Variants in PDZD2 observed in about 807,000 individuals in gnomAD.
PDZD2 encodes PDZ domain containing 2.
PDZD2 carries 90 observed loss-of-function variants against 220.7 expected under a neutral mutation model. The ratio of observed to expected loss-of-function variants is 0.41; its 90% CI spans 0.34 to 0.49. PDZD2 has a LOEUF of 0.49. Ranked by LOEUF, PDZD2 falls within the 20% of genes least tolerant of loss-of-function variation. The pLI is 0.28. For synonymous variants in PDZD2, 1,375 were observed against 1,450.5 expected, an observed-to-expected ratio of 0.95 and a Z score of 1.18; for missense variants, 3,174 against 3,608.5, an observed-to-expected ratio of 0.88 and a Z score of 3.08.
intron 5 of PDZD2, among the ~76,000 whole-genome samples, chr5:32,007,412 G>A (rs980661566): frequency 1.3e-5 from 2 of 150,194 alleles, no homozygotes; most frequent in Admixed American, 6.6e-5. Context: ...CACTCTTTTC[G>A]GTTAATCTAG....
At chr5:31,915,863 A>G (rs1475420316) in intron 2 of PDZD2, among the ~76,000 whole-genome samples, 1 of 152,220 alleles carries the variant, frequency 6.6e-6, no homozygotes. Flanking sequence ...GTGTACCTAC[A>G]GAGCGGAGCT....
intron 2 of PDZD2, among the ~76,000 whole-genome samples, chr5:31,897,936 C>T (rs1358865199): frequency 6.6e-6 from 1 of 152,048 alleles, no homozygotes; most frequent in Non-Finnish European, 1.5e-5. Context: ...GGCTGGGTTT[C>T]ACCGTGTTGG....
chr5:31,706,024 C>T (rs557792695), intron 1 of PDZD2, among the ~76,000 whole-genome samples: 92 of 147,242 alleles, frequency 6.2e-4, no homozygotes, highest in Non-Finnish European at 1.3e-3. Context: ...TGTACTTCAG[C>T]CTGGGCCACA....
chr5:32,026,090 A>G (rs555455015), intron 6 of PDZD2, among the ~76,000 whole-genome samples: 77 of 151,588 alleles, frequency 5.1e-4, no homozygotes, highest in Middle Eastern at 6.9e-3. Context: ...GCCCCTTCTG[A>G]CAATTCACCT....
intron 2 of PDZD2, among the ~76,000 whole-genome samples, chr5:31,939,625 C>T (rs1282870747): frequency 1.3e-5 from 2 of 152,168 alleles, no homozygotes; most frequent in African/African-American, 4.8e-5. Context: ...TGCTTCTGAG[C>T]CATGCAACCA....
intron 1 of PDZD2, among the ~76,000 whole-genome samples, chr5:31,762,629 T>G (rs1751721657): frequency 6.6e-6 from 1 of 152,190 alleles, no homozygotes; most frequent in Non-Finnish European, 1.5e-5. Context: ...TTGCCTTCCC[T>G]TCAGTGTGAC....
At chr5:31,680,410 CT>C in intron 1 of PDZD2, among the ~76,000 whole-genome samples, 1 of 152,148 alleles carries the variant, frequency 6.6e-6, no homozygotes, top group Non-Finnish European at 1.5e-5. Flanking sequence ...GGGTTCTGGG[CT>C]CAAATAAAAT....
At chr5:31,855,026 C>T (rs1033286438) in intron 2 of PDZD2, 58 of 985,270 alleles carry the variant, frequency 5.9e-5, no homozygotes, top group East Asian at 3.4e-4. Flanking sequence ...CCCCGGGCCG[C>T]CTGCAGGTGA....
intron 1 of PDZD2, among the ~76,000 whole-genome samples, chr5:31,700,924 G>A (rs924834981): frequency 6.6e-6 from 1 of 152,184 alleles, no homozygotes; most frequent in African/African-American, 2.4e-5. Context: ...CTGAAAGTGG[G>A]CTCCCATCTC....
intron 1 of PDZD2, among the ~76,000 whole-genome samples, chr5:31,678,554 G>T (rs1429833175): frequency 1.3e-5 from 2 of 152,130 alleles, no homozygotes; most frequent in African/African-American, 4.8e-5. Context: ...GGGGACGTCA[G>T]TCTCTAGGGT....
At chr5:31,683,801 C>T (rs568884998) in intron 1 of PDZD2, among the ~76,000 whole-genome samples, 1 of 152,218 alleles carries the variant, frequency 6.6e-6, no homozygotes, top group East Asian at 1.9e-4. Context: ...AGGAAATTCT[C>T]GTATGTATAT....
At position 32,020,476 on chromosome 5, in the gene PDZD2, C is replaced by T. The variant is rs182507010; in HGVS notation, c.1407+9994C>T. 1.2e-3 allele frequency among the ~76,000 whole-genome samples: 181 copies of T among 152,242 alleles called. 1 individual carries two copies. Among genetic ancestry groups the T allele is most frequent in the Middle Eastern group, 3.4e-3 (1 of 294 alleles). ...TCAGGATAACTCTGTTTATGAGCTT[C>T]GCTGAGCCTCTAAGGTAACAAAAAT... is the stretch of plus-strand genomic sequence containing the variant. On this transcript the variant is annotated intron_variant, in intron 6 of 24. Coordinates refer to ENST00000438447, the MANE Select transcript of PDZD2 (RefSeq NM_178140.4).
At chr5:31,956,470 C>A (rs1747696101) in intron 2 of PDZD2, among the ~76,000 whole-genome samples, 2 of 148,102 alleles carry the variant, frequency 1.4e-5, no homozygotes, top group Admixed American at 1.3e-4. Flanking sequence ...TGGCGTGAAC[C>A]CGGGAGACAG....
At chr5:31,731,135 T>C (rs1426198812) in intron 1 of PDZD2, among the ~76,000 whole-genome samples, 1 of 152,186 alleles carries the variant, frequency 6.6e-6, no homozygotes, top group African/African-American at 2.4e-5. Flanking sequence ...ATTCAGAGGC[T>C]AAAGAGCCTT....
intron 2 of PDZD2, chr5:31,840,546 G>T: frequency 1.5e-6 from 1 of 662,780 alleles, no homozygotes; most frequent in Non-Finnish European, 2.8e-6. Flanking sequence ...CCTTCCCACT[G>T]GTTCTCACAA....
chr5:31,887,581 T>A (rs62361609), intron 2 of PDZD2, among the ~76,000 whole-genome samples: 8,692 of 152,282 alleles, frequency 0.057, 329 homozygotes, highest in Middle Eastern at 0.078. Flanking sequence ...TCCTGAGATC[T>A]GCAGAGTCTG....
chr5:31,819,521 G>T (rs1372057989), intron 2 of PDZD2, among the ~76,000 whole-genome samples: 1 of 151,958 alleles, frequency 6.6e-6, no homozygotes, highest in South Asian at 2.1e-4. Flanking sequence ...GCTGCGAGTG[G>T]TGATGTACAC....
intron 2 of PDZD2, among the ~76,000 whole-genome samples, chr5:31,829,222 G>T (rs543826363): frequency 9.2e-5 from 14 of 152,040 alleles, no homozygotes; most frequent in Middle Eastern, 3.4e-3. Flanking sequence ...ATAGAGGTGT[G>T]GATTTTTGGA....
At chr5:31,861,464 A>G (rs1737700924) in intron 2 of PDZD2, among the ~76,000 whole-genome samples, 1 of 151,708 alleles carries the variant, frequency 6.6e-6, no homozygotes, top group African/African-American at 2.4e-5. Flanking sequence ...ATTCCTCTCT[A>G]CTCTATTTTC....
Sources: gnomAD v4.1 joint callset for allele counts (sites outside exome capture counted in the v4.1 genomes callset) on GRCh38, gnomAD v4.1.1 for gene constraint, MANE v1.5 for transcripts, NCBI Gene and HGNC (gene_info 2026-07-23, HGNC 2026-07-21) for gene names.